The following HDAC9 variants were observed in gnomAD, a reference collection of about 807,000 sequenced individuals.
HDAC9 encodes MEF-2 interacting transcription repressor (MITR) protein.
A neutral mutation model predicts 139.4 loss-of-function variants in HDAC9; 41 were observed. The observed-to-expected ratio is 0.29, with a 90% CI of 0.23 to 0.38. The LOEUF is 0.38. Among genes scored for constraint, HDAC9 ranks in the 10% least tolerant of loss-of-function variants. HDAC9 has a pLI of 1.00. For synonymous variants in HDAC9, 517 were observed against 476.2 expected, an observed-to-expected ratio of 1.09 and a Z score of -1.12; for missense variants, 1,147 against 1,297.0, an observed-to-expected ratio of 0.88 and a Z score of 1.78.
At chr7:18,669,052 A>C (rs1672469024) in intron 12 of HDAC9, among the ~76,000 whole-genome samples, 1 of 151,664 alleles carries the variant, frequency 6.6e-6, no homozygotes, top group African/African-American at 2.4e-5. Flanking sequence ...ATTTTCAAAT[A>C]GCTAACACAT....
chr7:18,979,759 A>AAG (rs1491293774), intron 25 of HDAC9, among the ~76,000 whole-genome samples: 2 of 146,518 alleles, frequency 1.4e-5, no homozygotes, highest in Middle Eastern at 3.5e-3. Context: ...AGAAGCAAAC[A>AAG]AGAGAGAGAG....
chr7:18,691,398 T>C (rs1782663441), intron 12 of HDAC9, among the ~76,000 whole-genome samples: 1 of 152,032 alleles, frequency 6.6e-6, no homozygotes. Flanking sequence ...CTTTCTGATC[T>C]TATATTCATT....
chr7:18,780,666 T>C (rs1390721177), intron 16 of HDAC9, among the ~76,000 whole-genome samples: 1 of 151,932 alleles, frequency 6.6e-6, no homozygotes, highest in Admixed American at 6.6e-5. Context: ...AGGGGTGGTG[T>C]TTGGAGTTTA....
chr7:18,983,878 T>C (rs1785119030), intron 25 of HDAC9, among the ~76,000 whole-genome samples: 1 of 152,108 alleles, frequency 6.6e-6, no homozygotes, highest in African/African-American at 2.4e-5. Context: ...GCACATGCCT[T>C]CTCTTCTGTT....
chr7:18,897,387 C>G (rs927051495), intron 22 of HDAC9, among the ~76,000 whole-genome samples: 1 of 151,850 alleles, frequency 6.6e-6, no homozygotes, highest in African/African-American at 2.4e-5. Flanking sequence ...AACTCTAGGA[C>G]TTTATAACTT....
At chr7:18,143,898 G>C (rs1786096966) in intron 1 of HDAC9, among the ~76,000 whole-genome samples, 1 of 151,904 alleles carries the variant, frequency 6.6e-6, no homozygotes, top group African/African-American at 2.4e-5. Flanking sequence ...AAAATCCTGT[G>C]CCATGTGGCA....
chr7:18,421,807 C>T (rs1412163712), intron 1 of HDAC9, among the ~76,000 whole-genome samples: 2 of 152,132 alleles, frequency 1.3e-5, no homozygotes, highest in Non-Finnish European at 2.9e-5. Context: ...TAATGAGAGC[C>T]CTGAGTGAAA....
chr7:18,551,669 A>G (rs1252269980), intron 2 of HDAC9, among the ~76,000 whole-genome samples: 5 of 152,274 alleles, frequency 3.3e-5, no homozygotes, highest in Admixed American at 3.3e-4. Context: ...TTTTTATTCT[A>G]TTTTTATACT....
chr7:18,342,524 C>T (rs1782094443), intron 1 of HDAC9, among the ~76,000 whole-genome samples: 1 of 151,772 alleles, frequency 6.6e-6, no homozygotes, highest in African/African-American at 2.4e-5. Context: ...GTTTCTGACT[C>T]ATAGTAATTT....
chr7:18,258,870 G>A (rs1795452283), intron 2 of HDAC9, among the ~76,000 whole-genome samples: 1 of 150,130 alleles, frequency 6.7e-6, no homozygotes, highest in Non-Finnish European at 1.5e-5. Context: ...TGGAGCAAGT[G>A]CTGTTTTTAG....
intron 16 of HDAC9, among the ~76,000 whole-genome samples, chr7:18,772,008 G>A (rs1459370867): frequency 6.6e-6 from 1 of 152,140 alleles, no homozygotes; most frequent in African/African-American, 2.4e-5. Flanking sequence ...AATGAGCAAT[G>A]AGACAAGACC....
chr7:18,576,653 T>C (rs1435062384), intron 2 of HDAC9, among the ~76,000 whole-genome samples: 1 of 130,032 alleles, frequency 7.7e-6, no homozygotes, highest in Non-Finnish European at 1.5e-5. Flanking sequence ...TGAGACTTCA[T>C]GTCAAAAAAA....
intron 12 of HDAC9, among the ~76,000 whole-genome samples, chr7:18,685,103 C>T (rs1050331391): frequency 1.3e-5 from 2 of 152,048 alleles, no homozygotes; most frequent in Admixed American, 1.3e-4. Context: ...TCCACCCTCA[C>T]TGTGGCTTAC....
At chr7:18,189,878 TG>T (rs1352169360) in intron 2 of HDAC9, among the ~76,000 whole-genome samples, 1 of 152,108 alleles carries the variant, frequency 6.6e-6, no homozygotes, top group Non-Finnish European at 1.5e-5. Flanking sequence ...GAGCACAATG[TG>T]AAACACATAA....
intron 1 of HDAC9, among the ~76,000 whole-genome samples, chr7:18,436,373 C>T (rs1193653957): frequency 2.0e-5 from 3 of 152,180 alleles, no homozygotes; most frequent in Non-Finnish European, 4.4e-5. Flanking sequence ...TTGGTGTAAT[C>T]GTATTAGGAA....
At chr7:18,190,459 T>A (rs772128761) in intron 2 of HDAC9, among the ~76,000 whole-genome samples, 1 of 152,216 alleles carries the variant, frequency 6.6e-6, no homozygotes, top group East Asian at 1.9e-4. Flanking sequence ...TTTATACAGA[T>A]GTTTCTCAAC....
rs117055145 is a variant in HDAC9, at chr7:18,140,997, T to G, written c.-96-21232T>G. Among the ~76,000 whole-genome samples the G allele has an allele frequency of 1.4e-4, 21 of 152,228 alleles. No homozygotes were observed. In the East Asian group the frequency reaches 4.1e-3, roughly 29 times the overall value. On this transcript the variant is annotated intron_variant, in intron 1 of 12. Coordinates refer to the HDAC9 transcript ENST00000417496. ...CTAAAATTCTCAATGAGCAGCATTTTTATTTAGGATAAACTGGCCTCTATG... is the reference window on the plus strand; with the variant it reads ...CTAAAATTCTCAATGAGCAGCATTTGTATTTAGGATAAACTGGCCTCTATG...
At chr7:18,922,163 G>A (rs1405620980) in intron 22 of HDAC9, among the ~76,000 whole-genome samples, 1 of 151,762 alleles carries the variant, frequency 6.6e-6, no homozygotes, top group East Asian at 1.9e-4. Context: ...CACCAACATG[G>A]CACATGTATA....
rs920343308 is a variant in HDAC9 at position 18,881,827 on chromosome 7, T to A, written c.2803+7231T>A. Among the ~76,000 whole-genome samples the A allele has an allele frequency of 6.6e-5, 10 of 152,252 alleles. 1 individual carries two copies. In the East Asian group the frequency reaches 7.7e-4, roughly 12 times the overall value. ...GACTCAATGCCTTGTCTTCTCATAA[T>A]GGCATTTCAGGCCACAGCAAACATG... On this transcript the variant is annotated intron_variant, in intron 22 of 25. Coordinates refer to ENST00000686413, the MANE Select transcript of HDAC9 (RefSeq NM_178425.4).
Sources: gnomAD v4.1 joint callset for allele counts (sites outside exome capture counted in the v4.1 genomes callset) on GRCh38, gnomAD v4.1.1 for gene constraint, MANE v1.5 for transcripts, NCBI Gene and HGNC (gene_info 2026-07-23, HGNC 2026-07-21) for gene names.